Variants in MYO7B observed in about 807,000 individuals in gnomAD.
MYO7B encodes the protein myosin VIIB.
Under a neutral mutation model 259.7 loss-of-function variants are expected in MYO7B, and 212 were observed. That is an observed-to-expected ratio of 0.82 (90% CI 0.73 to 0.91). MYO7B has a LOEUF of 0.91. MYO7B is among the 40% of genes least tolerant of loss of function. MYO7B has a pLI of 0.00. For missense variants in MYO7B, 2,732 were observed against 2,813.5 expected (o/e 0.97, Z 0.66); for synonymous variants, 1,197 against 1,166.4 (o/e 1.03, Z -0.54).
At chr2:127,620,276 G>T in intron 26 of MYO7B, 64 bp from the exon 27 acceptor site, 2 of 1,548,488 alleles carry the variant, frequency 1.3e-6, no homozygotes, top group Non-Finnish European at 1.8e-6. Flanking sequence ...GTGTGCCCAG[G>T]TACCCCTGTC....
chr2:127,636,901 C>G lies in MYO7B; in HGVS notation c.6315C>G (p.Cys2105Trp), dbSNP rs746208066. The change falls in exon 47 of 48, where the codon TGC becomes TGG. Residue 2105 changes from cysteine (C) to tryptophan (W), a missense_variant. This residue lies in a region of MYO7B where 821 missense variants were observed against 769.3 expected (regional missense o/e 1.07). Coordinates refer to ENST00000409816, the MANE Select transcript of MYO7B (RefSeq NM_001393586.1). This position sits in a 1 kb window ranked among gnomAD's most constrained non-coding sequence, Gnocchi z 4.5. ...GSLGRGSRLLCETSLGYKMDD... is the reference protein window; with the variant it reads ...GSLGRGSRLLWETSLGYKMDD... ...TGGGCCGTGGCAGCCGCCTGCTGTG[C>G]GAGACCTCCCTGGTGAGCTCAGGTT... 4 of 1,612,552 alleles carry G rather than the reference C, an allele frequency of 2.5e-6. No individual in the cohort carries two copies. The African/African-American group carries it at 5.3e-5, about 22-fold the overall frequency.
chr2:127,629,723 A>C lies in MYO7B; in HGVS notation c.4703A>C (p.Asn1568Thr). The change falls in exon 35 of 48, where the codon AAC becomes ACC. Residue 1568 changes from asparagine (N) to threonine (T), a missense_variant. By Grantham distance (65) the Asn-to-Thr change is moderately conservative. Transcript: ENST00000409816. ...TKKQGLLASE[N>T]WTLGQNDRTG... ...AAGCAGGGGCTGCTGGCCTCTGAGA[A>C]CTGGACCCTCGGCCAGAACGACAGG... The C allele has an allele frequency of 6.2e-7, 1 of 1,612,324 alleles. No individual in the cohort carries two copies. The highest frequency in any genetic ancestry group is 8.5e-7 in the Non-Finnish European group (1 of 1,179,472).
In MYO7B at chr2:127,548,152, G is replaced by A. The variant is rs183137703; in HGVS notation, c.-23-11548G>A. On this transcript the variant is annotated intron_variant, in intron 1 of 47. Transcript: ENST00000409816. ...TTAATGTCCGTGGGATCAGAGTGAT[G>A]TCTCCTCTTTCATTTCCAATAGTAG... 2.9e-4 allele frequency among the ~76,000 whole-genome samples: 44 copies of A among 152,228 alleles called. 1 individual carries two copies. In the Middle Eastern group the frequency reaches 0.017, roughly 59 times the overall value.
Position 127,576,101 on chromosome 2 carries a change from A to C in MYO7B, c.736-494A>C, listed in dbSNP as rs1678855260. On this transcript the variant is annotated intron_variant, in intron 7 of 47. Transcript: ENST00000409816. The surrounding 1 kb of genome is among the most constrained non-coding windows in gnomAD (Gnocchi z 4.9). ...GTGATCTTAGCTACTTGGTAGGCTGAGGTGGGAGGATGGCTTGAATCCAGG... is the reference window on the plus strand; with the variant it reads ...GTGATCTTAGCTACTTGGTAGGCTGCGGTGGGAGGATGGCTTGAATCCAGG... Among the ~76,000 whole-genome samples, 1 of 151,978 alleles carries C rather than the reference A, an allele frequency of 6.6e-6. No individual in the cohort carries two copies. The highest frequency in any genetic ancestry group is 2.4e-5 in the African/African-American group (1 of 41,352).
intron 18 of MYO7B, among the ~76,000 whole-genome samples, chr2:127,596,130 A>T (rs6715608): frequency 0.57 from 86,736 of 152,118 alleles, 25,912 homozygotes; most frequent in South Asian, 0.76. Context: ...ACACGGTTGG[A>T]TGCAAATGTC....
At chr2:127,538,360 G>A (rs1440762516) in intron 1 of MYO7B, among the ~76,000 whole-genome samples, 1 of 152,168 alleles carries the variant, frequency 6.6e-6, no homozygotes, top group Non-Finnish European at 1.5e-5. Flanking sequence ...GCCACAAGTG[G>A]CTGTTGAGCA....
chr2:127,637,524 ATGC>A lies in MYO7B; in HGVS notation c.*111_*113del, dbSNP rs1681920586. ...GCCTGTCCTTGGCGGGCAGCCTTCC[ATGC>A]TGCCCCCCATACAAAGCCCACTCAG... On this transcript the variant is annotated 3_prime_UTR_variant, in exon 48 of 48. Transcript: ENST00000409816. 6.0e-6 allele frequency: 5 copies of A among 840,024 alleles called. No individual in the cohort carries two copies. In the South Asian group the frequency reaches 9.9e-5, roughly 17 times the overall value. 52.0% of individuals were successfully genotyped at this position (840,024 alleles called of 1,614,324 possible).
Position 127,592,917 on chromosome 2 carries a change from G to A in MYO7B, c.2116G>A (p.Val706Met), listed in dbSNP as rs1679621844. The A allele has an allele frequency of 6.2e-7, 1 of 1,603,344 alleles. No homozygotes were observed. Reference protein sequence around the residue: ...TFEEFSQRFGVLLPNAMRMQL... With the variant: ...TFEEFSQRFGMLLPNAMRMQL... ...CGAGGAGTTCTCGCAGAGGTTCGGCGTGTTGCTGCCCAACGCCATGCGGAT... is the reference window on the plus strand; with the variant it reads ...CGAGGAGTTCTCGCAGAGGTTCGGCATGTTGCTGCCCAACGCCATGCGGAT... Residue 706 changes from valine to methionine, a missense_variant, in exon 17 of 48, where the codon GTG becomes ATG. Val to Met is a conservative substitution (Grantham distance 21, BLOSUM62 1). Coordinates refer to ENST00000409816, the MANE Select transcript of MYO7B (RefSeq NM_001393586.1).
intron 19 of MYO7B, among the ~76,000 whole-genome samples, chr2:127,605,110 A>G (rs537192686): frequency 1.3e-5 from 2 of 152,310 alleles, no homozygotes; most frequent in South Asian, 2.1e-4. Flanking sequence ...CTGCATCTCT[A>G]TATGCACTGA....
intron 9 of MYO7B, among the ~76,000 whole-genome samples, chr2:127,580,191 A>T (rs1679044503): frequency 6.6e-6 from 1 of 152,166 alleles, no homozygotes; most frequent in Non-Finnish European, 1.5e-5. Context: ...AAACAAAGAC[A>T]CCCAAAGGTC....
intron 43 of MYO7B, 90 bp downstream of exon 43, chr2:127,635,316 G>C: frequency 7.8e-7 from 1 of 1,282,196 alleles, no homozygotes. Context: ...GGCCAGGGCA[G>C]GGCCAGCCTC....
chr2:127,578,005 T>G, intron 8 of MYO7B, 128 bp from the exon 9 acceptor site: 2 of 1,077,314 alleles, frequency 1.9e-6, no homozygotes, highest in Middle Eastern at 2.2e-4. Context: ...CTGAAAAGAG[T>G]TTTTGAGCGT....
intron 1 of MYO7B, among the ~76,000 whole-genome samples, chr2:127,540,248 C>T (rs1406238276): frequency 2.6e-5 from 4 of 151,640 alleles, no homozygotes; most frequent in Non-Finnish European, 5.9e-5. Context: ...ACTGCAATCT[C>T]CGCCTCCCGG....
At chr2:127,563,933 C>T (rs1242299373) in intron 2 of MYO7B, among the ~76,000 whole-genome samples, 2 of 152,130 alleles carry the variant, frequency 1.3e-5, no homozygotes, top group Admixed American at 1.3e-4. Context: ...TTGTCCCAGA[C>T]AAGACAAAGA....
chr2:127,593,990 T>G (rs1158316681), intron 18 of MYO7B, among the ~76,000 whole-genome samples: 1 of 152,132 alleles, frequency 6.6e-6, no homozygotes, highest in East Asian at 1.9e-4. Context: ...TCCTGAGACC[T>G]GGCCTCCATC....
At position 127,628,203 on chromosome 2, in the gene MYO7B, T is replaced by C; in HGVS notation, c.4461-169T>C. 1 of 815,088 alleles carries C rather than the reference T, an allele frequency of 1.2e-6. No individual in the cohort carries two copies. The highest frequency in any genetic ancestry group is 2.0e-6 in the Non-Finnish European group (1 of 490,452). 50.5% of individuals were successfully genotyped at this position (815,088 alleles called of 1,614,324 possible). Reference sequence around the variant, plus strand: ...GAGAGGTCCTGTGCTCCGCCGTCCTTCATTTGTCCAGACCCACAGTGGTGT... The same window carrying C: ...GAGAGGTCCTGTGCTCCGCCGTCCTCCATTTGTCCAGACCCACAGTGGTGT... On this transcript the variant is annotated intron_variant, in intron 33 of 47. Coordinates refer to ENST00000409816, the MANE Select transcript of MYO7B (RefSeq NM_001393586.1). The surrounding 1 kb of genome is among the most constrained non-coding windows in gnomAD (Gnocchi z 4.8).
chr2:127,557,829 A>G (rs1677893749), intron 1 of MYO7B, among the ~76,000 whole-genome samples: 1 of 152,204 alleles, frequency 6.6e-6, no homozygotes, highest in African/African-American at 2.4e-5. Flanking sequence ...CTCTCACCTT[A>G]TATAAAAATC....
chr2:127,572,342 G>A (rs1678672221), intron 6 of MYO7B, among the ~76,000 whole-genome samples: 2 of 150,370 alleles, frequency 1.3e-5, no homozygotes, highest in Non-Finnish European at 1.5e-5. Flanking sequence ...TCGCTTGAAC[G>A]CAGGAGGCAA....
chr2:127,543,525 C>T (rs1346419624), intron 1 of MYO7B, among the ~76,000 whole-genome samples: 2 of 152,096 alleles, frequency 1.3e-5, no homozygotes, highest in Non-Finnish European at 2.9e-5. Flanking sequence ...CAGTAACAGT[C>T]TGATCTCTCT....
Sources: allele counts gnomAD v4.1 joint callset (sites outside exome capture counted in the v4.1 genomes callset), GRCh38; gene constraint gnomAD v4.1.1; regional missense constraint gnomAD v4.1.1; non-coding constraint Gnocchi (gnomAD v3.1); transcripts MANE v1.5; gene names NCBI Gene and HGNC (gene_info 2026-07-23, HGNC 2026-07-21).